USP34: variants seen among roughly 807,000 people sequenced by gnomAD.
USP34 encodes the protein ubiquitin specific peptidase 34, also known as ubiquitin carboxyl-terminal hydrolase 34.
Under a neutral mutation model 460.3 loss-of-function variants are expected in USP34, and 70 were observed. That is an observed-to-expected ratio of 0.15 (90% CI 0.13 to 0.19). USP34 has a LOEUF of 0.19. Among genes scored for constraint, USP34 ranks in the 10% least tolerant of loss-of-function variants. USP34 has a pLI of 1.00. For missense variants in USP34, 3,985 were observed against 4,236.2 expected (o/e 0.94, Z 1.65); for synonymous variants, 1,647 against 1,405.3 (o/e 1.17, Z -3.85).
chr2:61,263,860 G>A (rs1023857576), intron 43 of USP34, among the ~76,000 whole-genome samples: 2 of 152,114 alleles, frequency 1.3e-5, no homozygotes, highest in South Asian at 4.1e-4. Context: ...TTCTAATGGG[G>A]TTGTTTCTGC....
chr2:61,413,526 G>T (rs1324287090), intron 2 of USP34, among the ~76,000 whole-genome samples: 1 of 145,092 alleles, frequency 6.9e-6, no homozygotes, highest in Non-Finnish European at 1.5e-5. Flanking sequence ...GGGCAACATG[G>T]GGAAACCCCG....
intron 67 of USP34, among the ~76,000 whole-genome samples, chr2:61,218,757 G>T (rs1198352872): frequency 6.6e-6 from 1 of 152,140 alleles, no homozygotes; most frequent in Non-Finnish European, 1.5e-5. Flanking sequence ...TCTGATGTGT[G>T]TCATGGTTAG....
intron 78 of USP34, chr2:61,189,313 G>C (rs1364909155): frequency 5.5e-6 from 2 of 366,512 alleles, no homozygotes; most frequent in East Asian, 1.1e-4. Flanking sequence ...TTGTTCTTTG[G>C]CAAGGCTGGA....
intron 33 of USP34, among the ~76,000 whole-genome samples, chr2:61,289,197 T>C (rs1420080312): frequency 2.6e-5 from 4 of 152,098 alleles, no homozygotes; most frequent in African/African-American, 9.6e-5. Flanking sequence ...TGCTCATAAT[T>C]TATAATTTTT....
chr2:61,232,537 T>TA lies in USP34; in HGVS notation c.7033-6dup, dbSNP rs750244747. The TA allele has an allele frequency of 1.8e-4, 277 of 1,569,194 alleles. No homozygotes were observed. Among genetic ancestry groups the TA allele is most frequent in the Admixed American group, 4.0e-4 (22 of 54,846 alleles). ...AGCCATACGATCTAAAAACCACTGT[T>TA]AAAAAAAAATACAGCATGACTTTAA... is the stretch of plus-strand genomic sequence containing the variant. On this transcript the variant is annotated splice_region_variant and splice_polypyrimidine_tract_variant and intron_variant, in intron 57 of 79. Transcript: ENST00000398571.
chr2:61,460,205 G>A (rs1695560115), intron 1 of USP34, among the ~76,000 whole-genome samples: 1 of 152,080 alleles, frequency 6.6e-6, no homozygotes, highest in African/African-American at 2.4e-5. Context: ...CAGTCACTAT[G>A]GTCCAAAAAT....
At chr2:61,246,936 C>T (rs991253562) in intron 49 of USP34, among the ~76,000 whole-genome samples, 1 of 152,102 alleles carries the variant, frequency 6.6e-6, no homozygotes, top group African/African-American at 2.4e-5. Context: ...AATTAGCATA[C>T]TTCTTTTATT....
chr2:61,316,427 A>G (rs1183464577), intron 23 of USP34, among the ~76,000 whole-genome samples: 3 of 151,576 alleles, frequency 2.0e-5, no homozygotes, highest in African/African-American at 7.3e-5. Context: ...TCTACTAAAA[A>G]TACAAAAATT....
At chr2:61,395,780 C>CA (rs1558569474) in intron 3 of USP34, among the ~76,000 whole-genome samples, 2 of 102,166 alleles carry the variant, frequency 2.0e-5, no homozygotes, top group African/African-American at 8.7e-5. Context: ...AACGAGACTC[C>CA]GTCTCAAAAA....
rs370156397 is a variant in USP34, at chr2:61,209,089, C to G, written c.8841-112G>C. ...TCATTTAAGCTCTCTGCTTTCCTAC[C>G]TACAGAAAAGAGACTGCTTCATCTG... is the stretch of plus-strand genomic sequence containing the variant. On this transcript the variant is annotated intron_variant, in intron 69 of 79. Transcript: ENST00000398571. The G allele has an allele frequency of 4.5e-5, 24 of 538,174 alleles. No individual in the cohort carries two copies. The East Asian group carries it at 6.5e-4, about 14-fold the overall frequency. 33.3% of individuals were successfully genotyped at this position (538,174 alleles called of 1,614,324 possible).
At chr2:61,204,623 G>A (rs1456086549) in intron 72 of USP34, 22 bp from the exon 73 acceptor site, 1 of 1,596,922 alleles carries the variant, frequency 6.3e-7, no homozygotes, top group Non-Finnish European at 8.6e-7. Context: ...AACAAAGTTT[G>A]GGTAGCAAAA....
intron 1 of USP34, among the ~76,000 whole-genome samples, chr2:61,469,321 TTGTA>T (rs1695877091): frequency 6.6e-6 from 1 of 152,220 alleles, no homozygotes; most frequent in South Asian, 2.1e-4. Flanking sequence ...ATCACACGAC[TTGTA>T]TGTGAGATAT....
At chr2:61,370,279 T>C (rs774121221) in intron 10 of USP34, 42 bp downstream of exon 10, 1 of 1,585,416 alleles carries the variant, frequency 6.3e-7, no homozygotes, top group Admixed American at 1.7e-5. Flanking sequence ...TTAGAACATA[T>C]GATAAGCAAA....
At chr2:61,253,471 A>G (rs1314987733) in intron 48 of USP34, among the ~76,000 whole-genome samples, 1 of 152,158 alleles carries the variant, frequency 6.6e-6, no homozygotes, top group Admixed American at 6.5e-5. Context: ...TTCTTCGTGT[A>G]ATTGCCTACA....
At chr2:61,413,138 G>GT (rs1694092162) in intron 2 of USP34, among the ~76,000 whole-genome samples, 1 of 152,162 alleles carries the variant, frequency 6.6e-6, no homozygotes, top group African/African-American at 2.4e-5. Flanking sequence ...GCTCATGCCT[G>GT]TAATCCCAGC....
At chr2:61,272,146 T>C (rs1438581526) in intron 41 of USP34, among the ~76,000 whole-genome samples, 1 of 152,186 alleles carries the variant, frequency 6.6e-6, no homozygotes, top group East Asian at 1.9e-4. Flanking sequence ...GCACGGCGGC[T>C]CACGCCTGTA....
intron 3 of USP34, among the ~76,000 whole-genome samples, chr2:61,401,568 A>G (rs1229612567): frequency 6.9e-5 from 4 of 58,050 alleles, no homozygotes; most frequent in Non-Finnish European, 1.4e-4. Flanking sequence ...TTTTTTTTTG[A>G]GACAGAGTCT....
Position 61,201,461 on chromosome 2 carries a change from C to G in USP34, c.9508+1679G>C, listed in dbSNP as rs189741758. Among the ~76,000 whole-genome samples the G allele has an allele frequency of 6.2e-4, 94 of 152,254 alleles. 1 individual carries two copies. In the East Asian group the frequency reaches 0.016, roughly 26 times the overall value. On this transcript the variant is annotated intron_variant, in intron 75 of 79. Transcript: ENST00000398571. ...ATCTCTTGACCTCGTGATCCGCCCG[C>G]CTTGGCCTCCCAAAGTGCTGGGATT...
At chr2:61,195,274 G>A (rs371175022) in intron 75 of USP34, among the ~76,000 whole-genome samples, 4 of 151,748 alleles carry the variant, frequency 2.6e-5, no homozygotes, top group Admixed American at 2.6e-4. Context: ...TCAAACTCCT[G>A]GCATAATTCA....
Sources: gnomAD v4.1 joint callset for allele counts (sites outside exome capture counted in the v4.1 genomes callset) on GRCh38, gnomAD v4.1.1 for gene constraint, MANE v1.5 for transcripts, NCBI Gene and HGNC (gene_info 2026-07-23, HGNC 2026-07-21) for gene names.